Variants in SIPA1L2 observed in about 807,000 individuals in gnomAD.
SIPA1L2 encodes signal-induced proliferation-associated 1-like protein 2.
In SIPA1L2, 56 loss-of-function variants were observed where a neutral mutation model predicts 163.9. The ratio of observed to expected loss-of-function variants is 0.34; its 90% CI spans 0.28 to 0.43. The LOEUF is 0.43. Ranked by LOEUF, SIPA1L2 falls within the 20% of genes least tolerant of loss-of-function variation. SIPA1L2 has a pLI of 1.00. For missense variants in SIPA1L2, 1,974 were observed against 2,193.5 expected, an observed-to-expected ratio of 0.90 and a Z score of 2.00; for synonymous variants, 877 against 865.7, an observed-to-expected ratio of 1.01 and a Z score of -0.23.
chr1:232,427,995 T>G (rs1397505218), intron 17 of SIPA1L2, among the ~76,000 whole-genome samples: 1 of 152,254 alleles, frequency 6.6e-6, no homozygotes, highest in African/African-American at 2.4e-5. Flanking sequence ...TCACTAGTTA[T>G]GTCCAGGAGC....
chr1:232,579,796 T>C (rs2102800345), intron 1 of SIPA1L2, among the ~76,000 whole-genome samples: 1 of 152,194 alleles, frequency 6.6e-6, no homozygotes, highest in East Asian at 1.9e-4. Flanking sequence ...AGCAAATATA[T>C]TAATATGAAC....
intron 19 of SIPA1L2, 107 bp from the exon 20 acceptor site, chr1:232,404,285 G>A (rs1056065880): frequency 7.1e-5 from 63 of 886,284 alleles, no homozygotes; most frequent in Middle Eastern, 4.3e-4. Context: ...TGTGTGTGAT[G>A]GACCAGGGGA....
chr1:232,416,794 C>T (rs1170494897), intron 18 of SIPA1L2, among the ~76,000 whole-genome samples: 1 of 152,224 alleles, frequency 6.6e-6, no homozygotes, highest in Non-Finnish European at 1.5e-5. Context: ...AAAGCAGAAA[C>T]CACTCACCCA....
chr1:232,550,954 C>CT (rs1658344466), intron 2 of SIPA1L2, among the ~76,000 whole-genome samples: 1 of 152,110 alleles, frequency 6.6e-6, no homozygotes, highest in Non-Finnish European at 1.5e-5. Flanking sequence ...GAAACAGAAA[C>CT]AGTGGACTGG....
intron 2 of SIPA1L2, among the ~76,000 whole-genome samples, chr1:232,572,767 ATATATATATATATTTATT>A (rs1558277825): frequency 9.6e-6 from 1 of 103,906 alleles, no homozygotes; most frequent in African/African-American, 3.4e-5. Flanking sequence ...ATATATATAT[ATATATATATATATTTATT>A]TATTTATTTT....
In SIPA1L2 at chr1:232,579,571, A is replaced by C. The variant is rs555519451; in HGVS notation, c.-318-5349T>G. On this transcript the variant is annotated intron_variant, in intron 1 of 22. Transcript: ENST00000674635. The stretch of plus-strand genomic sequence containing the variant: ...GAAGGAAGAACACAGCCATTCCCAT[A>C]AGGGAATCCATAGAATAGGTTGAAC... Among the ~76,000 whole-genome samples, 21 of 152,344 alleles carry C rather than the reference A, an allele frequency of 1.4e-4. No homozygotes were observed. The East Asian group carries it at 3.7e-3, about 27-fold the overall frequency.
At chr1:232,625,160 G>C (rs1663008243) in intron 1 of SIPA1L2, among the ~76,000 whole-genome samples, 1 of 152,220 alleles carries the variant, frequency 6.6e-6, no homozygotes, top group Non-Finnish European at 1.5e-5. Flanking sequence ...TGGAAAGGTG[G>C]AGCTATATGG....
In SIPA1L2 at chr1:232,465,491, T is replaced by C; in HGVS notation, c.2244-75A>G. 2 of 1,166,392 alleles carry C rather than the reference T, an allele frequency of 1.7e-6. No homozygotes were observed. Among genetic ancestry groups the C allele is most frequent in the Non-Finnish European group, 2.5e-6 (2 of 813,596 alleles). 72.3% of individuals were successfully genotyped at this position (1,166,392 alleles called of 1,614,324 possible). A position where few individuals can be genotyped will look rare whatever the true frequency, so the allele number is the denominator to read the frequency against. On this transcript the variant is annotated intron_variant, in intron 8 of 22. Coordinates refer to ENST00000674635, the MANE Select transcript of SIPA1L2 (RefSeq NM_020808.5). This position sits in a 1 kb window ranked among gnomAD's most constrained non-coding sequence, Gnocchi z 4.1. ...TATGTATCTTTCCGAATTTGACATA[T>C]ATATACACACACACACACATATACA...
chr1:232,618,217 A>T (rs988167404), intron 1 of SIPA1L2, among the ~76,000 whole-genome samples: 2 of 152,384 alleles, frequency 1.3e-5, no homozygotes, highest in Non-Finnish European at 2.9e-5. Flanking sequence ...CTGTTAGTTC[A>T]TGAGACATAA....
intron 1 of SIPA1L2, among the ~76,000 whole-genome samples, chr1:232,603,626 G>A (rs1335690278): frequency 6.6e-6 from 1 of 152,092 alleles, no homozygotes; most frequent in Non-Finnish European, 1.5e-5. Context: ...ATGGGTGGAA[G>A]ACAAGACTGG....
chr1:232,430,396 T>C (rs1326169204), intron 16 of SIPA1L2, among the ~76,000 whole-genome samples: 1 of 152,216 alleles, frequency 6.6e-6, no homozygotes, highest in Non-Finnish European at 1.5e-5. Context: ...ATGATATTAT[T>C]AACAAAATTA....
chr1:232,576,092 G>A (rs1416179605), intron 1 of SIPA1L2, among the ~76,000 whole-genome samples: 1 of 152,142 alleles, frequency 6.6e-6, no homozygotes, highest in Non-Finnish European at 1.5e-5. Flanking sequence ...TGATGGTGAT[G>A]GTTGCACAAC....
At chr1:232,469,070 G>A (rs1189175886) in intron 8 of SIPA1L2, among the ~76,000 whole-genome samples, 1 of 152,098 alleles carries the variant, frequency 6.6e-6, no homozygotes, top group Non-Finnish European at 1.5e-5. Context: ...GCTCAGGCAG[G>A]TACACCTGAC....
intron 1 of SIPA1L2, among the ~76,000 whole-genome samples, chr1:232,608,064 A>AAAAAAAAAAAAAAAAAC (rs1558301983): frequency 6.6e-6 from 1 of 150,956 alleles, no homozygotes; most frequent in Non-Finnish European, 1.5e-5. Flanking sequence ...AAAAAAAAAA[A>AAAAAAAAAAAAAAAAAC]AAAAACGAGT....
rs779648707 is a variant in SIPA1L2, at chr1:232,415,565, A to G, written c.4691T>C (p.Leu1564Pro). The G allele has an allele frequency of 1.2e-6, 2 of 1,613,916 alleles. No individual in the cohort carries two copies. Among genetic ancestry groups the G allele is most frequent in the South Asian group, 2.2e-5 (2 of 90,996 alleles). ...SDKSKCADPG[L>P]MPLPDTATGL... ...TGTGGCTGTGTCCGGGAGGGGCATC[A>G]GGCCAGGATCTGCGCACTTGGACTT... Residue 1564 changes from leucine to proline, a missense_variant, in exon 19 of 23, where the codon CTG (leucine) becomes CCG (proline). By Grantham distance (98) the Leu-to-Pro change is moderately conservative (BLOSUM62 -3). Transcript: ENST00000674635.
chr1:232,538,331 A>G (rs896103815), intron 2 of SIPA1L2, among the ~76,000 whole-genome samples: 2 of 152,158 alleles, frequency 1.3e-5, no homozygotes, highest in African/African-American at 4.8e-5. Context: ...TCCTAACCCT[A>G]CAAACACCCA....
At chr1:232,403,305 G>T in intron 21 of SIPA1L2, 143 bp downstream of exon 21, 1 of 1,102,136 alleles carries the variant, frequency 9.1e-7, no homozygotes, top group Admixed American at 2.4e-5. Context: ...GTCCCACTCA[G>T]TCCCTTCTCT....
At chr1:232,459,594 C>T (rs1192883618) in intron 10 of SIPA1L2, among the ~76,000 whole-genome samples, 1 of 152,078 alleles carries the variant, frequency 6.6e-6, no homozygotes, top group African/African-American at 2.4e-5. Context: ...CTCAGTGCAG[C>T]CTCGACCTCC....
intron 15 of SIPA1L2, among the ~76,000 whole-genome samples, chr1:232,437,412 G>A (rs1271002125): frequency 6.6e-6 from 1 of 152,144 alleles, no homozygotes. Context: ...TTAGTTATTA[G>A]TACTAAACCT....
Sources: allele counts gnomAD v4.1 joint callset (sites outside exome capture counted in the v4.1 genomes callset), GRCh38; gene constraint gnomAD v4.1.1; non-coding constraint Gnocchi (gnomAD v3.1); transcripts MANE v1.5; gene names NCBI Gene and HGNC (gene_info 2026-07-23, HGNC 2026-07-21).